Variants in APOL2 observed in about 807,000 individuals in gnomAD.
APOL2 encodes the protein apolipoprotein L, 2.
APOL2 carries 8 observed loss-of-function variants against 7.1 expected under a neutral mutation model. The observed-to-expected ratio is 1.12, with a 90% CI of 0.66 to 2.03. The LOEUF (loss-of-function observed/expected upper bound fraction) is 2.03, where lower values mean the gene tolerates loss of function less well. Among genes scored for constraint, APOL2 ranks in the 30% most tolerant of loss-of-function variants. APOL2 has a pLI of 0.00. For missense variants in APOL2, 471 were observed against 415.1 expected, an observed-to-expected ratio of 1.13 and a Z score of -1.17; for synonymous variants, 177 against 159.9, an observed-to-expected ratio of 1.11 and a Z score of -0.81.
chr22:36,228,024 G>A lies in APOL2; in HGVS notation c.394C>T (p.Leu132Phe), dbSNP rs776152288. The change falls in exon 5 of 5, where the codon CTC (leucine) becomes TTC (phenylalanine). Residue 132 changes from leucine (L) to phenylalanine (F), a missense_variant. Coordinates refer to ENST00000358502, the MANE Select transcript of APOL2 (RefSeq NM_030882.4). ...AAGGGTGCCAGACCCAGGCCGAGGA[G>A]GGTCAGGATGCCAGAGGTAGTGCCA... ...SVGTTSGILT[L>F]LGLGLAPFTE... 3 of 1,614,262 alleles carry A rather than the reference G, an allele frequency of 1.9e-6. No individual in the cohort carries two copies. The highest frequency in any genetic ancestry group is 2.5e-6 in the Non-Finnish European group (3 of 1,180,048).
intron 1 of APOL2, among the ~76,000 whole-genome samples, chr22:36,238,453 AG>A (rs1178826139): frequency 6.6e-6 from 1 of 151,898 alleles, no homozygotes; most frequent in East Asian, 1.9e-4. Context: ...TTAGGCTGGG[AG>A]GGGAGGTGAC....
intron 1 of APOL2, among the ~76,000 whole-genome samples, chr22:36,238,459 G>A (rs1453151388): frequency 2.0e-5 from 3 of 151,792 alleles, no homozygotes; most frequent in African/African-American, 4.8e-5. Context: ...TGGGAGGGGA[G>A]GTGACTTGCC....
Position 36,227,532 on chromosome 22 carries a change from T to C in APOL2, c.886A>G (p.Lys296Glu), listed in dbSNP as rs2015048006. The C allele has an allele frequency of 1.2e-6, 2 of 1,614,010 alleles. No homozygotes were observed. Among genetic ancestry groups the C allele is most frequent in the African/African-American group, 1.3e-5 (1 of 74,904 alleles). Residue 296 changes from lysine (K) to glutamate (E), a missense_variant, in exon 5 of 5, where the codon AAG becomes GAG. Coordinates refer to ENST00000358502, the MANE Select transcript of APOL2 (RefSeq NM_030882.4). Reference protein sequence around the residue: ...LDVVSLAYESKHLLEGAKSES... With the variant: ...LDVVSLAYESEHLLEGAKSES... ...GACTTTGCCCCCTCAAGCAAGTGCT[T>C]TGACTCATATGCAAGGCTGACCACA...
chr22:36,231,374 A>G lies in APOL2; in HGVS notation c.103T>C (p.Trp35Arg). Reference sequence around the variant, plus strand: ...TCAGCAGCAGCCACGAATCCATTCCAGGCTTCATCATCAGTCAGCAGTTGT... The same window carrying G: ...TCAGCAGCAGCCACGAATCCATTCCGGGCTTCATCATCAGTCAGCAGTTGT... ...LLQLLTDDEA[W>R]NGFVAAAELP... Residue 35 changes from tryptophan (W) to arginine (R), a missense_variant, in exon 4 of 5, where the codon TGG becomes CGG. Physicochemically the swap from Trp to Arg is moderately radical, Grantham distance 101. Coordinates refer to ENST00000358502, the MANE Select transcript of APOL2 (RefSeq NM_030882.4). 1.2e-6 allele frequency: 2 copies of G among 1,614,176 alleles called. No individual in the cohort carries two copies. Among genetic ancestry groups the G allele is most frequent in the South Asian group, 2.2e-5 (2 of 91,092 alleles).
In APOL2 at chr22:36,231,458, T is replaced by C. The variant is rs188431982; in HGVS notation, c.19A>G (p.Ile7Val). The change falls in exon 4 of 5, where the codon ATC becomes GTC. Residue 7 changes from isoleucine to valine, a missense_variant. Coordinates refer to ENST00000358502, the MANE Select transcript of APOL2 (RefSeq NM_030882.4). ...TACTTAAGGTAATCCTCAATAAAGA[T>C]ACTGCTCTCTAGTTGGAAAGAAGAA... MNPESS[I>V]FIEDYLKYFQ... 7.2e-4 allele frequency: 1,163 copies of C among 1,610,626 alleles called. 2 individuals carry two copies. The African/African-American group carries it at 0.013, about 17-fold the overall frequency.
At chr22:36,231,890 A>G (rs1469348410) in intron 3 of APOL2, among the ~76,000 whole-genome samples, 1 of 152,066 alleles carries the variant, frequency 6.6e-6, no homozygotes, top group Non-Finnish European at 1.5e-5. Context: ...CCCAAACCCC[A>G]CTGGGCCCAA....
At chr22:36,239,043 A>G in intron 1 of APOL2, 12 of 940,396 alleles carry the variant, frequency 1.3e-5, no homozygotes, top group Non-Finnish European at 1.6e-5. Context: ...TGGCCCGGCC[A>G]CAAGGACATG....
At chr22:36,232,731 C>T (rs937286607) in intron 3 of APOL2, among the ~76,000 whole-genome samples, 10 of 152,160 alleles carry the variant, frequency 6.6e-5, no homozygotes, top group Middle Eastern at 3.4e-3. Flanking sequence ...GGGAGGGGAC[C>T]GGCCTGTGCT....
chr22:36,228,689 G>A (rs990737940), intron 4 of APOL2, among the ~76,000 whole-genome samples: 6 of 152,200 alleles, frequency 3.9e-5, no homozygotes, highest in Non-Finnish European at 8.8e-5. Flanking sequence ...TTTACCCAAA[G>A]AGAGGCCTTC....
chr22:36,228,365 T>C lies in APOL2; in HGVS notation c.138-85A>G, dbSNP rs892201151. 6 of 1,492,590 alleles carry C rather than the reference T, an allele frequency of 4.0e-6. No individual in the cohort carries two copies. In the African/African-American group the frequency reaches 5.6e-5, roughly 14 times the overall value. The allele number at this position is 1,492,590 out of a possible 1,614,324, so 92.5% of individuals were successfully genotyped here. A position where few individuals can be genotyped will look rare whatever the true frequency, so the allele number is the denominator to read the frequency against. ...CCATGCGATCTCTATCCTGTGTAAA[T>C]TGCAGAGCTTTCACTATCAATCAAA... On this transcript the variant is annotated intron_variant, in intron 4 of 4. Coordinates refer to ENST00000358502, the MANE Select transcript of APOL2 (RefSeq NM_030882.4).
intron 4 of APOL2, 126 bp from the exon 5 acceptor site, chr22:36,228,406 CA>C: frequency 7.8e-7 from 1 of 1,280,486 alleles, no homozygotes; most frequent in South Asian, 1.5e-5. Context: ...ACAAATTTTA[CA>C]AATGGAATTA....
chr22:36,237,245 C>T, intron 1 of APOL2: 2 of 1,365,594 alleles, frequency 1.5e-6, no homozygotes, highest in Non-Finnish European at 1.9e-6. Flanking sequence ...CGGTGTCCAA[C>T]TGAGCGACCT....
upstream of APOL2, chr22:36,239,663 G>A (rs1383941364): frequency 1.5e-6 from 1 of 651,996 alleles, no homozygotes; most frequent in East Asian, 2.8e-5. Flanking sequence ...TCCAGGCCCA[G>A]CCTCCTTGCT....
rs768552994 is a variant in APOL2, at chr22:36,227,457, G to A, written c.961C>T (p.Leu321Phe). 6 of 1,613,538 alleles carry A rather than the reference G, an allele frequency of 3.7e-6. No homozygotes were observed. Among genetic ancestry groups the A allele is most frequent in the East Asian group, 2.2e-5 (1 of 44,902 alleles). Residue 321 changes from leucine (L) to phenylalanine (F), a missense_variant, in exon 5 of 5, where the codon CTC (leucine) becomes TTC (phenylalanine). By Grantham distance (22) the Leu-to-Phe change is conservative. Coordinates refer to ENST00000358502, the MANE Select transcript of APOL2 (RefSeq NM_030882.4). ...TCATGGATCTTGGTGAGAAAGTTGA[G>A]CTTCCCCTCCAGCTCCTGAGCCCGC... ...KKRAQELEGK[L>F]NFLTKIHEML...
At chr22:36,235,341 T>A (rs1048470714) in intron 1 of APOL2, among the ~76,000 whole-genome samples, 26 of 152,032 alleles carry the variant, frequency 1.7e-4, no homozygotes, top group African/African-American at 6.0e-4. Flanking sequence ...TATGAATAGA[T>A]CTAGGATCAG....
At chr22:36,233,284 C>A (rs530946505) in intron 2 of APOL2, 43 bp from the exon 3 acceptor site, 1 of 1,610,244 alleles carries the variant, frequency 6.2e-7, no homozygotes, top group East Asian at 2.2e-5. Flanking sequence ...AGGTGAGCCT[C>A]CTGTGTACAG....
At chr22:36,239,315 T>G (rs535071378) in intron 1 of APOL2, 126 bp downstream of exon 1, 1 of 1,340,574 alleles carries the variant, frequency 7.5e-7, no homozygotes, top group Non-Finnish European at 9.8e-7. Flanking sequence ...GCCACTGCTT[T>G]CCTGTCTGAT....
intron 1 of APOL2, chr22:36,237,064 C>A (rs1159298251): frequency 3.3e-6 from 5 of 1,520,606 alleles, no homozygotes; most frequent in Admixed American, 2.1e-5. Context: ...CTCGGACCTG[C>A]CCAATACTTG....
chr22:36,228,805 A>G (rs1408519118), intron 4 of APOL2, among the ~76,000 whole-genome samples: 1 of 152,130 alleles, frequency 6.6e-6, no homozygotes, highest in Non-Finnish European at 1.5e-5. Context: ...CAGTATAGCG[A>G]TGTGATGGAT....
Sources: allele counts gnomAD v4.1 joint callset (sites outside exome capture counted in the v4.1 genomes callset), GRCh38; gene constraint gnomAD v4.1.1; transcripts MANE v1.5; gene names NCBI Gene and HGNC (gene_info 2026-07-23, HGNC 2026-07-21).